Variants in KIF15 observed in about 807,000 individuals in gnomAD.
The protein encoded by KIF15 is kinesin family member 15.
KIF15 carries 140 observed loss-of-function variants against 190.6 expected under a neutral mutation model. The observed-to-expected ratio is 0.73, with a 90% confidence interval of 0.64 to 0.84. The LOEUF (loss-of-function observed/expected upper bound fraction) is 0.84, where lower values mean the gene tolerates loss of function less well. KIF15 is among the 40% of genes least tolerant of loss of function. KIF15 has a pLI of 0.00. For synonymous variants in KIF15, 528 were observed against 551.3 expected (o/e 0.96, Z 0.59); for missense variants, 1,372 against 1,584.4 (o/e 0.87, Z 2.28).
At chr3:44,845,743 C>G (rs1469139864) in intron 30 of KIF15, among the ~76,000 whole-genome samples, 1 of 152,058 alleles carries the variant, frequency 6.6e-6, no homozygotes, top group Admixed American at 6.5e-5. Flanking sequence ...TCCCACATGC[C>G]CCACTTCTGC....
At chr3:44,780,822 A>G in intron 4 of KIF15, 63 bp from the exon 5 acceptor site, 2 of 1,085,782 alleles carry the variant, frequency 1.8e-6, no homozygotes, top group East Asian at 2.5e-5. Flanking sequence ...CACTAGTATT[A>G]TAATAGGAGG....
intron 13 of KIF15, 78 bp from the exon 14 acceptor site, chr3:44,802,736 T>G: frequency 7.0e-7 from 1 of 1,418,742 alleles, no homozygotes; most frequent in Non-Finnish European, 9.4e-7. Flanking sequence ...CCTAGTTTTC[T>G]AATGGCTTTT....
At chr3:44,819,102 T>G (rs1409175288) in intron 20 of KIF15, among the ~76,000 whole-genome samples, 1 of 152,126 alleles carries the variant, frequency 6.6e-6, no homozygotes, top group African/African-American at 2.4e-5. Context: ...CCCTTTATCA[T>G]TTTTTATTGC....
At chr3:44,777,994 T>A in intron 3 of KIF15, 121 bp from the exon 4 acceptor site, 1 of 753,860 alleles carries the variant, frequency 1.3e-6, no homozygotes, top group Non-Finnish European at 2.4e-6. Flanking sequence ...TTAGCCTTTT[T>A]TCTGTAGTGG....
At chr3:44,810,770 T>G in intron 16 of KIF15, 76 bp from the exon 17 acceptor site, 1 of 1,187,034 alleles carries the variant, frequency 8.4e-7, no homozygotes, top group Non-Finnish European at 1.2e-6. Flanking sequence ...AATTTTATCC[T>G]CTCTATTCAC....
chr3:44,786,500 G>T lies in KIF15; in HGVS notation c.565G>T (p.Glu189Ter). The T allele has an allele frequency of 6.2e-7, 1 of 1,613,670 alleles. No individual in the cohort carries two copies. The highest frequency in any genetic ancestry group is 1.1e-5 in the South Asian group (1 of 91,006). ...DSASAGLYLR[E>*]HIKKGVFVVG... ...TGCATCGGCTGGACTGTACTTAAGG[G>T]AGCATATCAAGAAGGGAGTCTTTGT... Residue 189 changes from glutamate to a stop codon, truncating the protein, a stop_gained, in exon 7 of 35, where the codon GAG (glutamate) becomes TAG (stop). Coordinates refer to ENST00000326047, the MANE Select transcript of KIF15 (RefSeq NM_020242.3). LOFTEE classifies it high-confidence loss of function.
At chr3:44,829,557 T>TGTATATATTATATATG (rs1553658691) in intron 24 of KIF15, among the ~76,000 whole-genome samples, 5 of 112,304 alleles carry the variant, frequency 4.5e-5, no homozygotes, top group African/African-American at 1.9e-4. Flanking sequence ...TATGTATATA[T>TGTATATATTATATATG]TATATATGTA....
chr3:44,780,629 A>C (rs1706118569), intron 4 of KIF15, among the ~76,000 whole-genome samples: 2 of 152,250 alleles, frequency 1.3e-5, no homozygotes, highest in South Asian at 4.1e-4. Context: ...CAATTTTGGT[A>C]AATAAAAATT....
intron 6 of KIF15, chr3:44,865,290 T>A: frequency 6.9e-7 from 1 of 1,459,280 alleles, no homozygotes; most frequent in South Asian, 1.2e-5. Context: ...CTTCTGACCA[T>A]CAGCCAAGGG....
At chr3:44,852,602 C>CAA (rs200776603) in intron 34 of KIF15, 71 bp from the exon 35 acceptor site, 26 of 1,142,632 alleles carry the variant, frequency 2.3e-5, no homozygotes, top group Admixed American at 1.2e-4. Context: ...CTAATAAATG[C>CAA]AAAAAAAAAC....
chr3:44,784,346 T>A (rs1399927180), intron 5 of KIF15, among the ~76,000 whole-genome samples: 1 of 152,032 alleles, frequency 6.6e-6, no homozygotes, highest in East Asian at 1.9e-4. Context: ...CTACTTTTTT[T>A]TTTGTATTTT....
At chr3:44,852,398 G>T in intron 34 of KIF15, 59 bp downstream of exon 34, 1 of 1,487,226 alleles carries the variant, frequency 6.7e-7, no homozygotes, top group Non-Finnish European at 9.1e-7. Flanking sequence ...TTATTTTATT[G>T]AAACCAAATT....
At position 44,841,062 on chromosome 3, in the gene KIF15, A is replaced by G. The variant is rs1698577515; in HGVS notation, c.3421-12A>G. ...TAATTGGATATTTGGATGAGATGTGATTTTATTTTAGAGTCCTAAGACACC... is the reference window on the plus strand; with the variant it reads ...TAATTGGATATTTGGATGAGATGTGGTTTTATTTTAGAGTCCTAAGACACC... On this transcript the variant is annotated splice_polypyrimidine_tract_variant and intron_variant, in intron 28 of 34. Transcript: ENST00000326047. 1 of 1,595,056 alleles carries G rather than the reference A, an allele frequency of 6.3e-7. No individual in the cohort carries two copies. The highest frequency in any genetic ancestry group is 8.5e-7 in the Non-Finnish European group (1 of 1,172,516).
In KIF15 at chr3:44,775,321, G is replaced by C; in HGVS notation, c.130G>C (p.Asp44His). 1 of 1,614,112 alleles carries C rather than the reference G, an allele frequency of 6.2e-7. No homozygotes were observed. The part of the protein sequence containing the change: ...RPPAERSGSA[D>H]GEQNLCLSVL... ...TCCTGCAGAAAGATCTGGGTCAGCT[G>C]ATGGAGAGCAGAACTTATGCTTATC... The change falls in exon 3 of 35, where the codon GAT (aspartate) becomes CAT (histidine). Residue 44 changes from aspartate to histidine, a missense_variant. Asp to His is a moderately conservative substitution (Grantham distance 81). Transcript: ENST00000326047.
At chr3:44,864,495 A>G in intron 6 of KIF15, 8 of 848,770 alleles carry the variant, frequency 9.4e-6, no homozygotes, top group Admixed American at 2.8e-5. Context: ...TGCTCTATTC[A>G]TGGAGCAAAT....
intron 6 of KIF15, chr3:44,865,242 A>T: frequency 6.2e-7 from 1 of 1,608,820 alleles, no homozygotes; most frequent in Non-Finnish European, 8.5e-7. Flanking sequence ...TTGGGATGTC[A>T]TGTGGGACTG....
downstream of KIF15, among the ~76,000 whole-genome samples, chr3:44,856,436 G>A (rs970091345): frequency 2.0e-5 from 3 of 152,174 alleles, no homozygotes; most frequent in Non-Finnish European, 2.9e-5. Context: ...GCGGGTTAGC[G>A]GCTTGTAACC....
intron 20 of KIF15, among the ~76,000 whole-genome samples, chr3:44,819,177 G>A (rs181516586): frequency 2.6e-5 from 4 of 151,762 alleles, no homozygotes; most frequent in Admixed American, 1.3e-4. Context: ...CAATTTTGTT[G>A]ATCTTTTCAA....
chr3:44,862,150 C>G, intron 6 of KIF15: 8 of 93,358 alleles, frequency 8.6e-5, no homozygotes, highest in Non-Finnish European at 1.4e-4. Flanking sequence ...GCTGCTGCTG[C>G]GGGCGGGCGG....
Sources: allele counts gnomAD v4.1 joint callset (sites outside exome capture counted in the v4.1 genomes callset), GRCh38; gene constraint gnomAD v4.1.1; transcripts MANE v1.5; gene names NCBI Gene and HGNC (gene_info 2026-07-23, HGNC 2026-07-21).